RGS12: variants seen among roughly 807,000 people sequenced by gnomAD.
RGS12 encodes the protein regulator of G protein signaling 12.
In RGS12, 66 loss-of-function variants were observed where a neutral mutation model predicts 120.1. That is an observed-to-expected ratio of 0.55 (90% CI 0.45 to 0.67). The LOEUF is 0.67. RGS12 is among the 30% of genes least tolerant of loss of function. RGS12 has a pLI of 0.00. For synonymous variants in RGS12, 827 were observed against 804.7 expected (o/e 1.03, Z -0.47); for missense variants, 1,859 against 1,957.7 (o/e 0.95, Z 0.95).
In RGS12 at chr4:3,427,911, C is replaced by T. The variant is rs545092084; in HGVS notation, c.3332-179C>T. On this transcript the variant is annotated intron_variant, in intron 14 of 17. Coordinates refer to ENST00000336727, the MANE Select transcript of RGS12 (RefSeq NM_001394154.1). ...GGAGCCCGGCTGTGTGCGTGGAGGA[C>T]GGGCCCTCTCTCCTGTCCCATGGGG... Among the ~76,000 whole-genome samples, 10 of 152,302 alleles carry T rather than the reference C, an allele frequency of 6.6e-5. No individual in the cohort carries two copies. The South Asian group carries it at 1.9e-3, about 28-fold the overall frequency.
At position 3,430,887 on chromosome 4, in the gene RGS12, G is replaced by T; in HGVS notation, c.4046G>T (p.Ser1349Ile). 1 of 1,612,674 alleles carries T rather than the reference G, an allele frequency of 6.2e-7. No homozygotes were observed. Among genetic ancestry groups the T allele is most frequent in the Non-Finnish European group, 8.5e-7 (1 of 1,179,912 alleles). The change falls in exon 17 of 18, where the codon AGC (serine) becomes ATC (isoleucine). Residue 1349 changes from serine (S) to isoleucine (I), a missense_variant. This residue lies in a region of RGS12 where 517 missense variants were observed against 488.5 expected (regional missense o/e 1.06). Coordinates refer to ENST00000336727, the MANE Select transcript of RGS12 (RefSeq NM_001394154.1). ...ACCCTGATGGGGGAGGGGGACATCA[G>T]CAGCCCCAACAGCACCTTGCTGCCG... ...ELTLMGEGDI[S>I]SPNSTLLPPP...
At chr4:3,304,475 A>T (rs756602517) in intron 1 of RGS12, among the ~76,000 whole-genome samples, 5 of 152,232 alleles carry the variant, frequency 3.3e-5, no homozygotes, top group African/African-American at 1.2e-4. Context: ...GCTGGTGGAG[A>T]GGGAGGCAGC....
rs1002639872 is a variant in RGS12, at chr4:3,374,453, A to G, written c.1999-11963A>G. On this transcript the variant is annotated intron_variant, in intron 3 of 17. Coordinates refer to ENST00000336727, the MANE Select transcript of RGS12 (RefSeq NM_001394154.1). This position sits in a 1 kb window ranked among gnomAD's most constrained non-coding sequence, Gnocchi z 6.3. ...CTCCCAGCCTGGCCCTGCAGCAGAC[A>G]CTTCTGCCCTGGGCCCCGGTCTCAG... Among the ~76,000 whole-genome samples the G allele has an allele frequency of 1.3e-5, 2 of 151,880 alleles. No individual in the cohort carries two copies. Among genetic ancestry groups the G allele is most frequent in the Admixed American group, 1.3e-4 (2 of 15,262 alleles).
intron 1 of RGS12, among the ~76,000 whole-genome samples, chr4:3,308,544 C>T (rs1038334162): frequency 2.6e-5 from 4 of 152,322 alleles, no homozygotes; most frequent in Non-Finnish European, 4.4e-5. Flanking sequence ...TGTGGTGCTG[C>T]GTGCTCTGGG....
At chr4:3,350,208 A>G (rs984020817) in intron 3 of RGS12, among the ~76,000 whole-genome samples, 6 of 152,374 alleles carry the variant, frequency 3.9e-5, no homozygotes, top group Non-Finnish European at 8.8e-5. Flanking sequence ...AAAGTTATAC[A>G]AATAAAGATA....
intron 3 of RGS12, among the ~76,000 whole-genome samples, chr4:3,371,815 G>C (rs1717026777): frequency 6.6e-6 from 1 of 152,186 alleles, no homozygotes; most frequent in Non-Finnish European, 1.5e-5. Context: ...GGGAATGCTG[G>C]GGTGCCGCCG....
rs1017341178 is a variant in RGS12, at chr4:3,390,665, T to A, written c.2020+4228T>A. On this transcript the variant is annotated intron_variant, in intron 4 of 17. Transcript: ENST00000336727. The surrounding 1 kb of genome is among the most constrained non-coding windows in gnomAD (Gnocchi z 4.6). ...GCTCAGACCTGGCCATGGCGGAAGATTCGGGCTCCACCTGCAGCTCCACAG... is the reference window on the plus strand; with the variant it reads ...GCTCAGACCTGGCCATGGCGGAAGAATCGGGCTCCACCTGCAGCTCCACAG... Among the ~76,000 whole-genome samples, 23 of 152,218 alleles carry A rather than the reference T, an allele frequency of 1.5e-4. No individual in the cohort carries two copies. The highest frequency in any genetic ancestry group is 5.5e-4 in the African/African-American group (23 of 41,464).
At chr4:3,382,869 G>C (rs2108949689) in intron 3 of RGS12, among the ~76,000 whole-genome samples, 1 of 152,270 alleles carries the variant, frequency 6.6e-6, no homozygotes, top group Middle Eastern at 3.4e-3. Flanking sequence ...TTCAGCCTTT[G>C]TTTCTCGACA....
upstream of RGS12, among the ~76,000 whole-genome samples, chr4:3,291,318 G>A (rs1462911077): frequency 2.0e-5 from 3 of 151,742 alleles, no homozygotes; most frequent in Non-Finnish European, 4.4e-5. Context: ...TTTTGGGGGG[G>A]CCAGGGTGGG....
chr4:3,305,105 G>A (rs920328365), intron 1 of RGS12, among the ~76,000 whole-genome samples: 4 of 152,248 alleles, frequency 2.6e-5, no homozygotes, highest in Admixed American at 6.5e-5. Flanking sequence ...TCCTTGTCAC[G>A]TGGGCGGCTT....
intron 11 of RGS12, 84 bp from the exon 12 acceptor site, chr4:3,422,821 C>A: frequency 8.0e-7 from 1 of 1,251,896 alleles, no homozygotes; most frequent in Non-Finnish European, 1.2e-6. Flanking sequence ...CTGCTCTGCA[C>A]AGCTGTGTGC....
At chr4:3,383,019 C>T (rs1228897467) in intron 3 of RGS12, among the ~76,000 whole-genome samples, 1 of 152,060 alleles carries the variant, frequency 6.6e-6, no homozygotes, top group African/African-American at 2.4e-5. Flanking sequence ...CGAGTGGGCT[C>T]ACTATCTGGA....
chr4:3,427,302 G>A (rs1215648462), intron 14 of RGS12, among the ~76,000 whole-genome samples: 4 of 152,226 alleles, frequency 2.6e-5, no homozygotes, highest in South Asian at 2.1e-4. Flanking sequence ...GGAGCTTGGC[G>A]CTCAGCGTTT....
intron 1 of RGS12, among the ~76,000 whole-genome samples, chr4:3,309,687 G>A (rs1440076525): frequency 5.7e-4 from 63 of 109,702 alleles, no homozygotes; most frequent in African/African-American, 1.1e-3. Context: ...TCCGCTGAGG[G>A]GAACCGTGCA....
intron 3 of RGS12, among the ~76,000 whole-genome samples, chr4:3,367,126 TG>T (rs1408918883): frequency 1.3e-5 from 2 of 152,198 alleles, no homozygotes; most frequent in African/African-American, 4.8e-5. Context: ...GGGCTCCCTC[TG>T]GGTACTCAGG....
intron 1 of RGS12, chr4:3,312,479 T>C (rs1724467423): frequency 4.6e-6 from 1 of 218,452 alleles, no homozygotes; most frequent in African/African-American, 2.3e-5. Flanking sequence ...TTCTGGACTC[T>C]TTACCCACTA....
intron 2 of RGS12, among the ~76,000 whole-genome samples, chr4:3,340,952 G>A (rs1046047681): frequency 2.6e-5 from 4 of 152,072 alleles, no homozygotes; most frequent in East Asian, 2.0e-4. Context: ...GCACCTGGCC[G>A]CTGTGCTTCT....
At chr4:3,439,401 C>G in intron 17 of RGS12, 54 bp from the exon 18 acceptor site, 1 of 1,590,958 alleles carries the variant, frequency 6.3e-7, no homozygotes, top group Non-Finnish European at 8.6e-7. Flanking sequence ...GGGTGGGTTC[C>G]GGGGGCCCAG....
intron 9 of RGS12, chr4:3,420,271 G>T: frequency 3.5e-6 from 1 of 287,276 alleles, no homozygotes; most frequent in Non-Finnish European, 6.6e-6. Context: ...CAGATGGAAT[G>T]GAGGAAAGGC....
Sources: gnomAD v4.1 joint callset for allele counts (sites outside exome capture counted in the v4.1 genomes callset) on GRCh38, gnomAD v4.1.1 for gene constraint, gnomAD v4.1.1 regional missense constraint, Gnocchi (gnomAD v3.1) non-coding constraint, MANE v1.5 for transcripts, NCBI Gene and HGNC (gene_info 2026-07-23, HGNC 2026-07-21) for gene names.